FOXP2: variants seen among roughly 807,000 people sequenced by gnomAD.
FOXP2 encodes the protein forkhead box P2.
FOXP2 carries 12 observed loss-of-function variants against 115.8 expected under a neutral mutation model. The observed-to-expected ratio is 0.10, with a 90% CI of 0.07 to 0.17. The LOEUF is 0.17. FOXP2 is among the 10% of genes least tolerant of loss of function. The pLI is 1.00. For missense variants in FOXP2, 629 were observed against 843.5 expected (o/e 0.75, Z 3.15); for synonymous variants, 328 against 297.7 (o/e 1.10, Z -1.05).
chr7:114,139,448 T>TTTATTACA (rs1792143558), intron 1 of FOXP2, among the ~76,000 whole-genome samples: 2 of 152,242 alleles, frequency 1.3e-5, no homozygotes, highest in South Asian at 4.1e-4. Flanking sequence ...TTACATGAGG[T>TTTATTACA]TGGAAAGTTT....
At chr7:114,225,311 C>A (rs1048359391) in intron 1 of FOXP2, among the ~76,000 whole-genome samples, 14 of 151,878 alleles carry the variant, frequency 9.2e-5, no homozygotes, top group Non-Finnish European at 7.4e-5. Context: ...GGCCTTCCCC[C>A]CCTCCCCCTT....
chr7:114,619,675 C>G (rs1804137083), intron 3 of FOXP2, among the ~76,000 whole-genome samples: 1 of 151,858 alleles, frequency 6.6e-6, no homozygotes. Context: ...AAACTGTATC[C>G]TCCTTTGGGT....
chr7:114,232,855 T>A (rs1794918992), intron 1 of FOXP2, among the ~76,000 whole-genome samples: 2 of 152,030 alleles, frequency 1.3e-5, no homozygotes, highest in Admixed American at 1.3e-4. Flanking sequence ...GGACATCCTA[T>A]TATATGCTAT....
At chr7:114,170,637 T>G (rs975513262) in intron 1 of FOXP2, among the ~76,000 whole-genome samples, 1 of 152,192 alleles carries the variant, frequency 6.6e-6, no homozygotes, top group African/African-American at 2.4e-5. Flanking sequence ...TGAAGAAAGT[T>G]TTAGTGGTCT....
At chr7:114,105,906 A>G (rs1036975917) in intron 1 of FOXP2, among the ~76,000 whole-genome samples, 1 of 152,062 alleles carries the variant, frequency 6.6e-6, no homozygotes, top group African/African-American at 2.4e-5. Flanking sequence ...TTTCCTCTGT[A>G]TATTTCACAC....
At chr7:114,471,516 C>T (rs906137039) in intron 2 of FOXP2, among the ~76,000 whole-genome samples, 1 of 152,058 alleles carries the variant, frequency 6.6e-6, no homozygotes, top group Non-Finnish European at 1.5e-5. Flanking sequence ...TCAGAATTCT[C>T]ACTCATATAT....
Position 114,326,719 on chromosome 7 carries a change from T to C in FOXP2, c.-11+38610T>C, listed in dbSNP as rs563420132. ...ATGCATTTTTCTCTGAGCATGGCCATGATAATAATTTCACTCAAGAAAATA... is the reference window on the plus strand; with the variant it reads ...ATGCATTTTTCTCTGAGCATGGCCACGATAATAATTTCACTCAAGAAAATA... On this transcript the variant is annotated intron_variant, in intron 2 of 17. Coordinates refer to the FOXP2 transcript ENST00000634411. Among the ~76,000 whole-genome samples, 4 of 152,316 alleles carry C rather than the reference T, an allele frequency of 2.6e-5. No individual in the cohort carries two copies. The South Asian group carries it at 8.3e-4, about 32-fold the overall frequency.
intron 1 of FOXP2, among the ~76,000 whole-genome samples, chr7:114,187,545 A>G (rs190869770): frequency 9.7e-4 from 147 of 152,292 alleles, no homozygotes; most frequent in Admixed American, 1.8e-3. Flanking sequence ...ATTTTTCCCT[A>G]CAACTCTTCT....
intron 2 of FOXP2, among the ~76,000 whole-genome samples, chr7:114,353,491 C>T (rs1791544352): frequency 6.6e-6 from 1 of 151,864 alleles, no homozygotes; most frequent in Admixed American, 6.6e-5. Flanking sequence ...CAGTGCCAAC[C>T]CCTTTTCCAT....
chr7:114,351,372 C>T (rs1184107127), intron 2 of FOXP2, among the ~76,000 whole-genome samples: 1 of 151,956 alleles, frequency 6.6e-6, no homozygotes, highest in Non-Finnish European at 1.5e-5. Flanking sequence ...ATGTAAATAC[C>T]TGACAGTAAT....
At chr7:114,541,893 T>A (rs1799682418) in intron 3 of FOXP2, among the ~76,000 whole-genome samples, 1 of 151,914 alleles carries the variant, frequency 6.6e-6, no homozygotes, top group Non-Finnish European at 1.5e-5. Context: ...AATATTGTTA[T>A]GGGAGCTCTC....
At chr7:114,128,053 T>C (rs1436515735) in intron 1 of FOXP2, among the ~76,000 whole-genome samples, 1 of 152,242 alleles carries the variant, frequency 6.6e-6, no homozygotes, top group Non-Finnish European at 1.5e-5. Flanking sequence ...TATATTGGAA[T>C]GTTAGGGATA....
intron 1 of FOXP2, among the ~76,000 whole-genome samples, chr7:114,235,129 C>T (rs532427567): frequency 6.6e-6 from 1 of 151,610 alleles, no homozygotes; most frequent in African/African-American, 2.4e-5. Context: ...CAATAGTCAT[C>T]ACTCCAATGT....
intron 1 of FOXP2, among the ~76,000 whole-genome samples, chr7:114,171,656 G>A (rs1320070801): frequency 6.6e-6 from 1 of 152,188 alleles, no homozygotes; most frequent in Admixed American, 6.5e-5. Context: ...CTTTATGCCT[G>A]TTAACACATC....
intron 1 of FOXP2, among the ~76,000 whole-genome samples, chr7:114,167,617 G>A (rs112425211): frequency 5.9e-5 from 9 of 152,118 alleles, no homozygotes; most frequent in East Asian, 3.9e-4. Context: ...TGGTGGATAC[G>A]TCTCAGGAGA....
intron 1 of FOXP2, among the ~76,000 whole-genome samples, chr7:114,231,689 A>T (rs1794878861): frequency 6.6e-6 from 1 of 152,218 alleles, no homozygotes; most frequent in Admixed American, 6.5e-5. Context: ...ATGAAATTGG[A>T]TTCTTATACC....
chr7:114,614,959 A>G (rs1215601038), intron 3 of FOXP2, among the ~76,000 whole-genome samples: 1 of 152,014 alleles, frequency 6.6e-6, no homozygotes, highest in African/African-American at 2.4e-5. Context: ...AGTGGCTCAC[A>G]CCTGTAATCC....
At chr7:114,289,110 G>A (rs1316925550) in intron 2 of FOXP2, among the ~76,000 whole-genome samples, 2 of 151,632 alleles carry the variant, frequency 1.3e-5, no homozygotes, top group East Asian at 3.9e-4. Context: ...ATATTTCCCA[G>A]GTATTTTACC....
chr7:114,393,843 T>C (rs533574645), intron 2 of FOXP2, among the ~76,000 whole-genome samples: 61 of 152,268 alleles, frequency 4.0e-4, no homozygotes, highest in African/African-American at 1.4e-3. Flanking sequence ...GGTACAAATC[T>C]GGAAAGGCAG....
Sources: allele counts gnomAD v4.1 joint callset (sites outside exome capture counted in the v4.1 genomes callset), GRCh38; gene constraint gnomAD v4.1.1; transcripts MANE v1.5; gene names NCBI Gene and HGNC (gene_info 2026-07-23, HGNC 2026-07-21).